Variants in GRM3 observed in about 807,000 individuals in gnomAD.
GRM3 encodes glutamate metabotropic receptor 3.
Under a neutral mutation model 70.5 loss-of-function variants are expected in GRM3, and 26 were observed. The ratio of observed to expected loss-of-function variants is 0.37; its 90% CI spans 0.27 to 0.51. The LOEUF (loss-of-function observed/expected upper bound fraction) is 0.51, where lower values mean the gene tolerates loss of function less well. Among genes scored for constraint, GRM3 ranks in the 20% least tolerant of loss-of-function variants. GRM3 has a pLI of 0.93. For missense variants in GRM3, 859 were observed against 1,123.8 expected (o/e 0.76, Z 3.37); for synonymous variants, 443 against 434.9 (o/e 1.02, Z -0.23).
At chr7:86,654,347 G>T (rs1475002678) in intron 1 of GRM3, among the ~76,000 whole-genome samples, 1 of 152,186 alleles carries the variant, frequency 6.6e-6, no homozygotes, top group Non-Finnish European at 1.5e-5. Flanking sequence ...TTAATGGTTT[G>T]AATTTTTTAA....
chr7:86,665,142 T>C (rs1315163576), intron 1 of GRM3, among the ~76,000 whole-genome samples: 3 of 152,036 alleles, frequency 2.0e-5, no homozygotes, highest in African/African-American at 7.2e-5. Context: ...TTCTTTTCGT[T>C]CCGTTTTATT....
intron 1 of GRM3, among the ~76,000 whole-genome samples, chr7:86,683,864 A>G (rs925756478): frequency 6.6e-6 from 1 of 152,158 alleles, no homozygotes; most frequent in Non-Finnish European, 1.5e-5. Flanking sequence ...AGAGACTATT[A>G]TGTGACACAT....
At chr7:86,644,955 C>A in intron 1 of GRM3, 83 bp downstream of exon 1, 2 of 690,412 alleles carry the variant, frequency 2.9e-6, no homozygotes, top group Non-Finnish European at 4.4e-6. Flanking sequence ...GGGGCAGGCG[C>A]AGCCGGGAAA....
intron 4 of GRM3, among the ~76,000 whole-genome samples, chr7:86,840,396 T>C (rs1798537559): frequency 6.6e-6 from 1 of 152,208 alleles, no homozygotes; most frequent in Admixed American, 6.5e-5. Context: ...TGCTTCATTA[T>C]TTCTCTAAAA....
At position 86,752,858 on chromosome 7, in the gene GRM3, A is replaced by G. The variant is rs756661222; in HGVS notation, c.-140-12148A>G. Among the ~76,000 whole-genome samples, 93 of 152,084 alleles carry G rather than the reference A, an allele frequency of 6.1e-4. 1 individual carries two copies. Among genetic ancestry groups the G allele is most frequent in the Non-Finnish European group, 1.6e-4 (11 of 68,008 alleles). ...GATAAGACGTGCCCAGCCCCCTTCT[A>G]ACAAAACTCAGTACAACAGGAGAGG... is the stretch of plus-strand genomic sequence containing the variant. On this transcript the variant is annotated intron_variant, in intron 1 of 5. Coordinates refer to ENST00000361669, the MANE Select transcript of GRM3 (RefSeq NM_000840.3).
intron 3 of GRM3, among the ~76,000 whole-genome samples, chr7:86,822,217 A>G (rs1445597836): frequency 6.6e-6 from 1 of 152,144 alleles, no homozygotes; most frequent in African/African-American, 2.4e-5. Flanking sequence ...AATTCTCAGG[A>G]TGAATTTCAC....
intron 1 of GRM3, among the ~76,000 whole-genome samples, chr7:86,757,403 A>T (rs903628797): frequency 6.6e-5 from 10 of 152,218 alleles, no homozygotes; most frequent in Admixed American, 5.9e-4. Context: ...TTTTATACTT[A>T]GTCCTATGAC....
Position 86,711,880 on chromosome 7 carries a change from T to A in GRM3, c.-140-53126T>A, listed in dbSNP as rs375971664. Among the ~76,000 whole-genome samples the A allele has an allele frequency of 7.2e-5, 11 of 152,158 alleles. No individual in the cohort carries two copies. The East Asian group carries it at 2.1e-3, about 29-fold the overall frequency. ...CCTAGATCCATCTCTTCTATTAGGG[T>A]ACATATACTTTAAACCTGACCTAAT... On this transcript the variant is annotated intron_variant, in intron 1 of 5. Coordinates refer to ENST00000361669, the MANE Select transcript of GRM3 (RefSeq NM_000840.3).
At position 86,765,342 on chromosome 7, in the gene GRM3, T is replaced by G; in HGVS notation, c.197T>G (p.Ile66Ser). ...GGGCGAATCAATGAAGACCGAGGGA[T>G]TCAACGCCTGGAAGCCATGTTGTTT... ...ECGRINEDRG[I>S]QRLEAMLFAI... Residue 66 changes from isoleucine to serine, a missense_variant, in exon 2 of 6, where the codon ATT (isoleucine) becomes AGT (serine). Ile to Ser is a moderately radical substitution (Grantham distance 142). Coordinates refer to ENST00000361669, the MANE Select transcript of GRM3 (RefSeq NM_000840.3). The G allele has an allele frequency of 6.2e-7, 1 of 1,613,904 alleles. No homozygotes were observed. The highest frequency in any genetic ancestry group is 1.1e-5 in the South Asian group (1 of 91,074).
intron 1 of GRM3, among the ~76,000 whole-genome samples, chr7:86,670,782 C>CTGGG (rs1794151782): frequency 6.6e-6 from 1 of 152,142 alleles, no homozygotes; most frequent in African/African-American, 2.4e-5. Flanking sequence ...AGTTCCTTCA[C>CTGGG]TGGGTGGCTC....
chr7:86,715,999 G>A (rs1795305220), intron 1 of GRM3, among the ~76,000 whole-genome samples: 4 of 151,970 alleles, frequency 2.6e-5, no homozygotes, highest in Admixed American at 2.6e-4. Flanking sequence ...ATAAATGATA[G>A]TAGCAACCAC....
At chr7:86,744,199 T>C (rs1215918604) in intron 1 of GRM3, among the ~76,000 whole-genome samples, 1 of 152,002 alleles carries the variant, frequency 6.6e-6, no homozygotes, top group East Asian at 1.9e-4. Flanking sequence ...GGGAGGATAC[T>C]TATGACAGAG....
At chr7:86,819,444 A>G (rs775018116) in intron 3 of GRM3, among the ~76,000 whole-genome samples, 9 of 152,116 alleles carry the variant, frequency 5.9e-5, no homozygotes, top group African/African-American at 9.7e-5. Context: ...TTCAATAAGG[A>G]CAATCATAAC....
intron 1 of GRM3, among the ~76,000 whole-genome samples, chr7:86,749,580 A>C (rs2237554): frequency 0.4 from 61,141 of 151,944 alleles, 15,361 homozygotes; most frequent in African/African-American, 0.72. Context: ...AAATTCATGT[A>C]CAAAGGTCCC....
chr7:86,656,550 C>A (rs1793751115), intron 1 of GRM3, among the ~76,000 whole-genome samples: 2 of 151,804 alleles, frequency 1.3e-5, no homozygotes, highest in Non-Finnish European at 2.9e-5. Context: ...ATAACAGCTA[C>A]CTTGACTGGG....
At chr7:86,703,845 C>A (rs1405778873) in intron 1 of GRM3, among the ~76,000 whole-genome samples, 1 of 151,794 alleles carries the variant, frequency 6.6e-6, no homozygotes, top group Non-Finnish European at 1.5e-5. Context: ...TTTTTAAGGT[C>A]CTCTCTAATA....
intron 1 of GRM3, among the ~76,000 whole-genome samples, chr7:86,653,675 C>T (rs1167770601): frequency 1.3e-5 from 2 of 150,746 alleles, no homozygotes; most frequent in African/African-American, 2.4e-5. Context: ...ATCTTTTATC[C>T]TGTATTTTAT....
chr7:86,784,132 CAAAGCCTGCCT>C (rs1334646367), intron 2 of GRM3: 2 of 152,174 alleles, frequency 1.3e-5, no homozygotes, highest in Non-Finnish European at 2.9e-5. Flanking sequence ...CGTTCTCTTG[CAAAGCCTGCCT>C]TCATTGTAAA....
intron 1 of GRM3, among the ~76,000 whole-genome samples, chr7:86,729,338 A>T (rs978606128): frequency 2.0e-5 from 3 of 152,218 alleles, no homozygotes; most frequent in African/African-American, 7.2e-5. Context: ...CTAATCTAAC[A>T]TTCTTAGAAT....
Sources: allele counts gnomAD v4.1 joint callset (sites outside exome capture counted in the v4.1 genomes callset), GRCh38; gene constraint gnomAD v4.1.1; transcripts MANE v1.5; gene names NCBI Gene and HGNC (gene_info 2026-07-23, HGNC 2026-07-21).